The following BICDL1 variants were observed in gnomAD, a reference collection of about 807,000 sequenced individuals.
BICDL1 encodes the protein BICD family like cargo adaptor 1.
BICDL1 carries 20 observed loss-of-function variants against 76.8 expected under a neutral mutation model. The ratio of observed to expected loss-of-function variants is 0.26; its 90% CI spans 0.18 to 0.38. The LOEUF is 0.38. BICDL1 is among the 10% of genes least tolerant of loss of function. BICDL1 has a pLI of 1.00. For synonymous variants in BICDL1, 383 were observed against 337.1 expected, an observed-to-expected ratio of 1.14 and a Z score of -1.49; for missense variants, 700 against 798.6, an observed-to-expected ratio of 0.88 and a Z score of 1.49.
intron 2 of BICDL1, among the ~76,000 whole-genome samples, chr12:120,025,715 A>G (rs767687141): frequency 7.2e-5 from 11 of 152,330 alleles, no homozygotes; most frequent in South Asian, 2.1e-4. Context: ...GGTGTAGTAT[A>G]GTTGGAATTT....
intron 1 of BICDL1, among the ~76,000 whole-genome samples, chr12:119,995,431 T>A (rs115725786): frequency 6.6e-6 from 1 of 152,250 alleles, no homozygotes; most frequent in African/African-American, 2.4e-5. Context: ...TGCCCCCAAG[T>A]GGATTGGATT....
intron 2 of BICDL1, among the ~76,000 whole-genome samples, chr12:120,055,872 ATACC>A (rs1015765221): frequency 6.6e-6 from 1 of 152,224 alleles, no homozygotes; most frequent in African/African-American, 2.4e-5. Flanking sequence ...CTGTTTTGCA[ATACC>A]TTGTTCAGAG....
chr12:120,003,024 T>C (rs1951786967), intron 2 of BICDL1, among the ~76,000 whole-genome samples: 1 of 152,026 alleles, frequency 6.6e-6, no homozygotes, highest in Non-Finnish European at 1.5e-5. Flanking sequence ...GGGCATGGTA[T>C]CGTGAGCCTG....
At chr12:120,032,514 A>G (rs1952442986) in intron 2 of BICDL1, among the ~76,000 whole-genome samples, 1 of 152,196 alleles carries the variant, frequency 6.6e-6, no homozygotes, top group Non-Finnish European at 1.5e-5. Flanking sequence ...GATTACTTTC[A>G]CTTTCTGAAG....
chr12:119,993,495 C>T (rs1951571235), intron 1 of BICDL1: 1 of 152,026 alleles, frequency 6.6e-6, no homozygotes. Context: ...TTATATGTCT[C>T]TTGGGGTTAA....
intron 3 of BICDL1, among the ~76,000 whole-genome samples, chr12:120,063,145 A>C (rs1953142443): frequency 6.6e-6 from 1 of 152,178 alleles, no homozygotes; most frequent in Non-Finnish European, 1.5e-5. Flanking sequence ...TTATTACCCC[A>C]TCACTTCACT....
chr12:120,000,073 A>C (rs893612747), intron 2 of BICDL1, among the ~76,000 whole-genome samples: 2 of 152,188 alleles, frequency 1.3e-5, no homozygotes, highest in East Asian at 3.8e-4. Flanking sequence ...CAGTGAAAAA[A>C]CGTGTCTCAC....
At chr12:120,068,561 A>T (rs1442310434) in intron 4 of BICDL1, among the ~76,000 whole-genome samples, 6 of 152,254 alleles carry the variant, frequency 3.9e-5, no homozygotes, top group Admixed American at 3.3e-4. Context: ...TACGCCTGTA[A>T]TCCCAGCACT....
At chr12:120,059,775 G>A (rs116006555) in intron 2 of BICDL1, among the ~76,000 whole-genome samples, 3,527 of 151,914 alleles carry the variant, frequency 0.023, 144 homozygotes, top group African/African-American at 0.081. Flanking sequence ...GTGGCAGCAC[G>A]ATCATGGCTC....
chr12:120,035,579 C>G (rs1952515789), intron 2 of BICDL1, among the ~76,000 whole-genome samples: 4 of 152,178 alleles, frequency 2.6e-5, no homozygotes, highest in Admixed American at 2.6e-4. Context: ...AAACCCTGCT[C>G]TTAAACCCCT....
intron 2 of BICDL1, among the ~76,000 whole-genome samples, chr12:120,003,350 C>G (rs1031444941): frequency 2.0e-5 from 3 of 152,254 alleles, no homozygotes; most frequent in Middle Eastern, 3.4e-3. Context: ...AAACAGGTAT[C>G]TAGCAGAGTG....
chr12:120,018,871 C>T (rs1594122232), intron 2 of BICDL1: 2 of 151,882 alleles, frequency 1.3e-5, no homozygotes, highest in African/African-American at 4.8e-5. Context: ...TGGTGAAACA[C>T]CGTCTCTACT....
chr12:120,044,439 C>G (rs577642213), intron 2 of BICDL1, among the ~76,000 whole-genome samples: 2 of 152,256 alleles, frequency 1.3e-5, no homozygotes, highest in East Asian at 3.9e-4. Context: ...GTGAAGGGCT[C>G]CTTAGGGTAC....
In BICDL1 at chr12:119,994,497, C is replaced by CT. The variant is rs956323505; in HGVS notation, c.430-4015dup. 8.0e-3 allele frequency among the ~76,000 whole-genome samples: 1,196 copies of CT among 148,818 alleles called. 15 individuals are homozygous for CT. Among genetic ancestry groups the CT allele is most frequent in the African/African-American group, 0.027 (1,091 of 40,530 alleles). On this transcript the variant is annotated intron_variant, in intron 1 of 9. Transcript: ENST00000548673. ...GGGTTTTTTTAGTTTTAAATAGACTCTTTTTTTTTCGAGACGGAGTCTCAC... is the reference window on the plus strand; with the variant it reads ...GGGTTTTTTTAGTTTTAAATAGACTCTTTTTTTTTTCGAGACGGAGTCTCAC...
chr12:120,052,516 A>G (rs1952884507), intron 2 of BICDL1, among the ~76,000 whole-genome samples: 1 of 152,084 alleles, frequency 6.6e-6, no homozygotes, highest in African/African-American at 2.4e-5. Context: ...GAATAGCACA[A>G]AAGTACAGTT....
chr12:120,059,049 A>G lies in BICDL1; in HGVS notation c.646-2661A>G, dbSNP rs971791997. Among the ~76,000 whole-genome samples the G allele has an allele frequency of 2.6e-5, 4 of 152,162 alleles. No homozygotes were observed. The East Asian group carries it at 7.7e-4, about 29-fold the overall frequency. On this transcript the variant is annotated intron_variant, in intron 2 of 9. Coordinates refer to ENST00000548673, the MANE Select transcript of BICDL1 (RefSeq NM_001367886.1). ...TACAAGAAGATAGTATTACAGTACT[A>G]ATTTGAGGTTAAGACAGCCAAAGTT...
chr12:120,060,548 G>A (rs1021855545), intron 2 of BICDL1, among the ~76,000 whole-genome samples: 1 of 152,142 alleles, frequency 6.6e-6, no homozygotes, highest in Non-Finnish European at 1.5e-5. Flanking sequence ...TGATTCATAG[G>A]AAGGAAAATT....
chr12:120,055,340 T>C (rs746697857), intron 2 of BICDL1, among the ~76,000 whole-genome samples: 2 of 152,246 alleles, frequency 1.3e-5, no homozygotes, highest in South Asian at 4.1e-4. Flanking sequence ...CAGTTCTGCT[T>C]TGGCAAGTTT....
chr12:120,064,967 A>G (rs964196222), intron 4 of BICDL1, 88 bp downstream of exon 4: 91 of 1,425,096 alleles, frequency 6.4e-5, no homozygotes, highest in Non-Finnish European at 3.8e-5. Flanking sequence ...GGCCAGCATC[A>G]CTGCTGGGGT....
Sources: gnomAD v4.1 joint callset for allele counts (sites outside exome capture counted in the v4.1 genomes callset) on GRCh38, gnomAD v4.1.1 for gene constraint, MANE v1.5 for transcripts, NCBI Gene and HGNC (gene_info 2026-07-23, HGNC 2026-07-21) for gene names.